GOLGA3: variants seen among roughly 807,000 people sequenced by gnomAD.
GOLGA3 encodes the protein golgin A3, also known as golgin subfamily A member 3.
Under a neutral mutation model 169.4 loss-of-function variants are expected in GOLGA3, and 75 were observed. The observed-to-expected ratio is 0.44, with a 90% confidence interval of 0.37 to 0.54. GOLGA3 has a LOEUF of 0.54. GOLGA3 is among the 20% of genes least tolerant of loss of function. The pLI is 0.00. For missense variants in GOLGA3, 1,899 were observed against 1,930.0 expected (o/e 0.98, Z 0.30); for synonymous variants, 824 against 822.4 (o/e 1.00, Z -0.03).
intron 6 of GOLGA3, among the ~76,000 whole-genome samples, chr12:132,806,918 G>A (rs1949434705): frequency 6.6e-6 from 1 of 152,134 alleles, no homozygotes; most frequent in South Asian, 2.1e-4. Flanking sequence ...CTTATGGACT[G>A]TGAGACACCT....
At chr12:132,801,693 A>G in intron 8 of GOLGA3, 74 bp downstream of exon 8, 1 of 1,404,866 alleles carries the variant, frequency 7.1e-7, no homozygotes, top group South Asian at 1.2e-5. Context: ...AAACAGAAAA[A>G]TCTCAGGAAA....
chr12:132,777,161 A>T lies in GOLGA3; in HGVS notation c.3723-71T>A. 3 of 1,499,250 alleles carry T rather than the reference A, an allele frequency of 2.0e-6. No homozygotes were observed. Among genetic ancestry groups the T allele is most frequent in the Non-Finnish European group, 2.7e-6 (3 of 1,117,328 alleles). 92.9% of individuals were successfully genotyped at this position (1,499,250 alleles called of 1,614,324 possible). On this transcript the variant is annotated intron_variant, in intron 19 of 23. Transcript: ENST00000450791. The surrounding 1 kb of genome is among the most constrained non-coding windows in gnomAD (Gnocchi z 4.7). ...GTGTGCTGTGCCCTCCCGCTGGGAA[A>T]TGCTGCCTGTGGAAGGCGTTCGTCC... is the stretch of plus-strand genomic sequence containing the variant.
chr12:132,822,014 G>T lies in GOLGA3; in HGVS notation c.115C>A (p.Gln39Lys). 1.9e-6 allele frequency: 3 copies of T among 1,608,402 alleles called. No individual in the cohort carries two copies. Among genetic ancestry groups the T allele is most frequent in the Non-Finnish European group, 2.5e-6 (3 of 1,177,546 alleles). Residue 39 changes from glutamine to lysine, a missense_variant, in exon 2 of 24, where the codon CAG becomes AAG. By Grantham distance (53) the Gln-to-Lys change is moderately conservative. Transcript: ENST00000450791. Reference sequence around the variant, plus strand: ...GACTTACACTGGACTTTGTCCTGCTGGTCAGGTGGCACCAGTGGGCCCGGG... The same window carrying T: ...GACTTACACTGGACTTTGTCCTGCTTGTCAGGTGGCACCAGTGGGCCCGGG... ...KPPGPLVPPD[Q>K]QDKVQCAEVN...
intron 11 of GOLGA3, among the ~76,000 whole-genome samples, chr12:132,795,257 G>A (rs1566100355): frequency 6.6e-6 from 1 of 151,880 alleles, no homozygotes; most frequent in Admixed American, 6.6e-5. Context: ...TGTGGGAGGC[G>A]GAGGCAGGCA....
chr12:132,774,349 C>T, intron 22 of GOLGA3, 29 bp from the exon 23 acceptor site: 1 of 1,607,144 alleles, frequency 6.2e-7, no homozygotes, highest in Non-Finnish European at 8.5e-7. Flanking sequence ...GATCAGCTTT[C>T]CCACCGTCCC....
Position 132,782,533 on chromosome 12 carries a change from G to C in GOLGA3, c.3268-40C>G, listed in dbSNP as rs746563195. ...TGTCACTGTAAAATTACCTGCACTG[G>C]TGAGTGGAGTTCACATACCCCAGAA... On this transcript the variant is annotated intron_variant, in intron 16 of 23. Coordinates refer to ENST00000450791, the MANE Select transcript of GOLGA3 (RefSeq NM_001389683.1). 5.4e-6 allele frequency: 8 copies of C among 1,474,976 alleles called. No homozygotes were observed. In the African/African-American group the frequency reaches 1.1e-4, roughly 20 times the overall value. The allele number at this position is 1,474,976 out of a possible 1,614,324, so 91.4% of individuals were successfully genotyped here. A position where few individuals can be genotyped will look rare whatever the true frequency, so the allele number is the denominator to read the frequency against.
intron 11 of GOLGA3, among the ~76,000 whole-genome samples, chr12:132,792,290 G>T (rs1323921752): frequency 6.6e-6 from 1 of 152,206 alleles, no homozygotes; most frequent in Non-Finnish European, 1.5e-5. Context: ...GCAGCCCAGG[G>T]CTCGGCAAGC....
At position 132,773,031 on chromosome 12, in the gene GOLGA3, G is replaced by A. The variant is rs1190363893; in HGVS notation, c.*74C>T. The stretch of plus-strand genomic sequence containing the variant: ...AAATTTCATGTCTTAGAAAAACATC[G>A]ACCACACAATCAAATAAATAACATT... On this transcript the variant is annotated 3_prime_UTR_variant, in exon 24 of 24. Coordinates refer to ENST00000450791, the MANE Select transcript of GOLGA3 (RefSeq NM_001389683.1). 3.6e-6 allele frequency: 4 copies of A among 1,098,350 alleles called. No homozygotes were observed. Among genetic ancestry groups the A allele is most frequent in the South Asian group, 1.7e-5 (1 of 59,374 alleles). 68.0% of individuals were successfully genotyped at this position (1,098,350 alleles called of 1,614,324 possible).
intron 17 of GOLGA3, among the ~76,000 whole-genome samples, chr12:132,781,931 C>T (rs1374226363): frequency 6.7e-6 from 1 of 148,762 alleles, no homozygotes; most frequent in Non-Finnish European, 1.5e-5. Context: ...GTCTGCCCCC[C>T]AACTAAGCAG....
intron 2 of GOLGA3, among the ~76,000 whole-genome samples, chr12:132,821,273 A>G (rs12825927): frequency 0.28 from 41,141 of 149,602 alleles, 5,909 homozygotes; most frequent in Middle Eastern, 0.44. Flanking sequence ...TGGGCGTGGT[A>G]GCGCATGCCT....
rs1950250665 is a variant in GOLGA3 at position 132,822,172 on chromosome 12, T to C, written c.-44A>G. ...TGAGCTGACGCTGAGGGGCTACAAGTGAACCTTGGACAAGCTTGGCTTCTG... is the reference window on the plus strand; with the variant it reads ...TGAGCTGACGCTGAGGGGCTACAAGCGAACCTTGGACAAGCTTGGCTTCTG... On this transcript the variant is annotated 5_prime_UTR_variant, in exon 2 of 24. Coordinates refer to ENST00000450791, the MANE Select transcript of GOLGA3 (RefSeq NM_001389683.1). 1.3e-6 allele frequency: 2 copies of C among 1,572,194 alleles called. No individual in the cohort carries two copies. Among genetic ancestry groups the C allele is most frequent in the Non-Finnish European group, 1.7e-6 (2 of 1,166,286 alleles).
At chr12:132,793,047 G>A (rs58336631) in intron 11 of GOLGA3, among the ~76,000 whole-genome samples, 1 of 43,412 alleles carries the variant, frequency 2.3e-5, no homozygotes, top group Admixed American at 2.4e-4. Flanking sequence ...CAGACCCACC[G>A]CACGGGACCC....
At chr12:132,786,632 C>G in intron 14 of GOLGA3, 61 bp downstream of exon 14, 1 of 1,037,818 alleles carries the variant, frequency 9.6e-7, no homozygotes, top group Non-Finnish European at 1.3e-6. Context: ...GTTCGCCTCC[C>G]CCCCGGCCCC....
At chr12:132,782,945 C>T (rs901870222) in intron 16 of GOLGA3, among the ~76,000 whole-genome samples, 1 of 151,488 alleles carries the variant, frequency 6.6e-6, no homozygotes, top group Non-Finnish European at 1.5e-5. Flanking sequence ...ATGGGCTGGA[C>T]GCAGTGACTC....
rs2044955058 is a variant in GOLGA3 at position 132,772,559 on chromosome 12, A to AAAC, written c.*545_*546insGTT. The stretch of plus-strand genomic sequence containing the variant: ...ACTCTGTCTCAAAAAAAAAAAAAAA[A>AAAC]AAAAAACAAAGATTGGATTATGATA... On this transcript the variant is annotated 3_prime_UTR_variant, in exon 24 of 24. Coordinates refer to ENST00000450791, the MANE Select transcript of GOLGA3 (RefSeq NM_001389683.1). 6.6e-6 allele frequency: 1 copy of AAAC among 151,926 alleles called. No individual in the cohort carries two copies. Among genetic ancestry groups the AAAC allele is most frequent in the Non-Finnish European group, 1.5e-5 (1 of 67,998 alleles). 9.4% of individuals were successfully genotyped at this position (151,926 alleles called of 1,614,324 possible). A position where few individuals can be genotyped will look rare whatever the true frequency, so the allele number is the denominator to read the frequency against.
chr12:132,775,063 AAC>A, intron 22 of GOLGA3, 76 bp downstream of exon 22: 3 of 1,303,320 alleles, frequency 2.3e-6, no homozygotes, highest in Non-Finnish European at 3.2e-6. Flanking sequence ...CTGAATGACT[AAC>A]ACGTCTGCCA....
chr12:132,801,673 T>C (rs1949133518), intron 8 of GOLGA3, 94 bp downstream of exon 8: 3 of 1,222,452 alleles, frequency 2.5e-6, no homozygotes, highest in African/African-American at 3.0e-5. Flanking sequence ...AACATGCCTG[T>C]GAACTCTAAA....
chr12:132,788,812 G>C (rs556625434), intron 13 of GOLGA3, among the ~76,000 whole-genome samples: 2 of 152,072 alleles, frequency 1.3e-5, no homozygotes, highest in African/African-American at 4.8e-5. Flanking sequence ...AGGCCTCACC[G>C]GACTGCCCCT....
At chr12:132,796,945 G>C (rs1427206722) in intron 9 of GOLGA3, among the ~76,000 whole-genome samples, 1 of 152,188 alleles carries the variant, frequency 6.6e-6, no homozygotes, top group African/African-American at 2.4e-5. Flanking sequence ...CCACTGGTGA[G>C]CAGAGCCTCC....
Sources: allele counts gnomAD v4.1 joint callset (sites outside exome capture counted in the v4.1 genomes callset), GRCh38; gene constraint gnomAD v4.1.1; non-coding constraint Gnocchi (gnomAD v3.1); transcripts MANE v1.5; gene names NCBI Gene and HGNC (gene_info 2026-07-23, HGNC 2026-07-21).